OTOF: variants seen among roughly 807,000 people sequenced by gnomAD.
The protein encoded by OTOF is fer-1-like family member 2.
Under a neutral mutation model 236.8 loss-of-function variants are expected in OTOF, and 218 were observed. The ratio of observed to expected loss-of-function variants is 0.92; its 90% CI spans 0.82 to 1.03. OTOF has a LOEUF of 1.03. Ranked by LOEUF, OTOF falls within the 50% of genes least tolerant of loss-of-function variation. OTOF has a pLI of 0.00. For missense variants in OTOF, 2,590 were observed against 2,694.4 expected, an observed-to-expected ratio of 0.96 and a Z score of 0.86; for synonymous variants, 1,041 against 1,072.5, an observed-to-expected ratio of 0.97 and a Z score of 0.57.
At position 26,460,733 on chromosome 2, in the gene OTOF, A is replaced by T. The variant is rs149608479; in HGVS notation, c.5727T>A (p.Ala1909=). Residue 1909 remains alanine (A), a synonymous_variant, in exon 45 of 47, where the codon GCT becomes GCA. Coordinates refer to ENST00000272371, the MANE Select transcript of OTOF (RefSeq NM_194248.3). The surrounding 1 kb of genome is among the most constrained non-coding windows in gnomAD (Gnocchi z 5.3). ...CCTCTGCTGTCAGTAAATGCAGCTC[A>T]GCCTCCACCTTGCCCTGCAGAGGAC... ...DEFELTGKVE[A]ELHLLTAEEA... is the part of the protein sequence containing the mutation. 8 of 1,614,030 alleles carry T rather than the reference A, an allele frequency of 5.0e-6. No individual in the cohort carries two copies. Among genetic ancestry groups the T allele is most frequent in the Admixed American group, 1.7e-5 (1 of 60,018 alleles).
Position 26,476,165 on chromosome 2 carries a change from G to T in OTOF, c.2829C>A (p.Gly943=), listed in dbSNP as rs73920285. Residue 943 remains glycine, a synonymous_variant, in exon 23 of 47, where the codon GGC becomes GGA. Transcript: ENST00000272371. ...GGCTGACGGGTGGGAAGGCATGCAG[G>T]CCCAGGCCCTGGGCTGCCTTGACCT... The part of the protein sequence containing the change: ...FQEVKAAQGL[G]LHAFPPVSLV... The T allele has an allele frequency of 6.2e-7, 1 of 1,611,104 alleles. No individual in the cohort carries two copies. The highest frequency in any genetic ancestry group is 1.1e-5 in the South Asian group (1 of 91,042).
intron 1 of OTOF, 86 bp downstream of exon 1, chr2:26,558,407 G>T: frequency 1.7e-6 from 2 of 1,204,664 alleles, no homozygotes; most frequent in Non-Finnish European, 2.5e-6. Flanking sequence ...CATCCTCCCA[G>T]CCCTGTCCTA....
At chr2:26,554,418 C>T (rs1409919264) in intron 1 of OTOF, among the ~76,000 whole-genome samples, 2 of 151,714 alleles carry the variant, frequency 1.3e-5, no homozygotes, top group East Asian at 1.9e-4. Flanking sequence ...CCCTCAAAGA[C>T]AGAAACCATG....
At chr2:26,481,649 A>G (rs1665544129) in intron 14 of OTOF, among the ~76,000 whole-genome samples, 1 of 152,152 alleles carries the variant, frequency 6.6e-6, no homozygotes, top group Admixed American at 6.5e-5. Context: ...TAAAGTGTAC[A>G]TTTCAGTGGT....
chr2:26,500,558 G>A lies in OTOF; in HGVS notation c.765+1196C>T, dbSNP rs72815942. On this transcript the variant is annotated intron_variant, in intron 8 of 46. Transcript: ENST00000272371. ...TGGGTTTTGGCAGAGGTGAGGGGCC[G>A]GCATTCTCAAACCCCTAAGGAATCC... Among the ~76,000 whole-genome samples the A allele has an allele frequency of 4.6e-3, 702 of 152,224 alleles. 3 individuals are homozygous for A. The highest frequency in any genetic ancestry group is 7.2e-3 in the Non-Finnish European group (490 of 68,014).
rs1572401489 is a variant in OTOF, at chr2:26,461,976, T to G, written c.5292-39A>C. On this transcript the variant is annotated intron_variant, in intron 42 of 46. Transcript: ENST00000272371. The surrounding 1 kb of genome is among the most constrained non-coding windows in gnomAD (Gnocchi z 6.2). ...ATCTCCAGACCCGCAGCCAGGCTGG[T>G]GGGGCCTCTCCCACCCACAGCCACC... The G allele has an allele frequency of 6.2e-7, 1 of 1,613,162 alleles. No homozygotes were observed. The highest frequency in any genetic ancestry group is 8.5e-7 in the Non-Finnish European group (1 of 1,179,724).
In OTOF at chr2:26,481,141, G is replaced by A. The variant is rs868146212; in HGVS notation, c.1580-132C>T. 1.9e-4 allele frequency: 127 copies of A among 678,574 alleles called. No individual in the cohort carries two copies. In the Middle Eastern group the frequency reaches 3.4e-3, roughly 18 times the overall value. The allele number at this position is 678,574 out of a possible 1,614,324, so 42.0% of individuals were successfully genotyped here. On this transcript the variant is annotated intron_variant, in intron 14 of 46. Coordinates refer to ENST00000272371, the MANE Select transcript of OTOF (RefSeq NM_194248.3). ...TGAGAACTTCATGTGTGCCATTCAG[G>A]TGTGGGGCAGCCTTCTTACACTGCG...
At chr2:26,556,913 A>T (rs1667599842) in intron 1 of OTOF, among the ~76,000 whole-genome samples, 1 of 152,196 alleles carries the variant, frequency 6.6e-6, no homozygotes, top group African/African-American at 2.4e-5. Flanking sequence ...AGATGAAAGG[A>T]CACATTTGCT....
rs114469860 is a variant in OTOF, at chr2:26,558,691, C to A, written c.-120G>T. The A allele has an allele frequency of 6.1e-3, 5,133 of 843,376 alleles. 188 individuals are homozygous for A. In the African/African-American group the frequency reaches 0.077, roughly 13 times the overall value. 52.2% of individuals were successfully genotyped at this position (843,376 alleles called of 1,614,324 possible). A position where few individuals can be genotyped will look rare whatever the true frequency, so the allele number is the denominator to read the frequency against. ...GCCTCCTCCTCCTCCTCCCGACCCC[C>A]CTCCGATGCTGCCCACAGAGACCAA... On this transcript the variant is annotated 5_prime_UTR_variant, in exon 1 of 47. Coordinates refer to ENST00000272371, the MANE Select transcript of OTOF (RefSeq NM_194248.3).
Position 26,462,529 on chromosome 2 carries a change from G to A in OTOF, c.5193-348C>T, listed in dbSNP as rs1397453205. ...CCCCAAAGAGGATTTTCCCCTCAAG[G>A]TTTAATTGTAATTATGAATGATGTA... On this transcript the variant is annotated intron_variant, in intron 41 of 46. Coordinates refer to ENST00000272371, the MANE Select transcript of OTOF (RefSeq NM_194248.3). This position sits in a 1 kb window ranked among gnomAD's most constrained non-coding sequence, Gnocchi z 4.7. Among the ~76,000 whole-genome samples, 2 of 152,200 alleles carry A rather than the reference G, an allele frequency of 1.3e-5. No individual in the cohort carries two copies. The highest frequency in any genetic ancestry group is 2.9e-5 in the Non-Finnish European group (2 of 68,032).
chr2:26,472,419 T>C, intron 30 of OTOF, 100 bp downstream of exon 30: 1 of 1,451,770 alleles, frequency 6.9e-7, no homozygotes, highest in Non-Finnish European at 9.7e-7. Flanking sequence ...AGGAGGCTCT[T>C]AGTGTCCTTT....
At chr2:26,510,206 C>T (rs959025644) in intron 5 of OTOF, among the ~76,000 whole-genome samples, 2 of 152,146 alleles carry the variant, frequency 1.3e-5, no homozygotes, top group Non-Finnish European at 2.9e-5. Flanking sequence ...GGTGGCCTCT[C>T]CTAAGCTTTC....
Position 26,465,957 on chromosome 2 carries a change from G to C in OTOF, c.4620C>G (p.Val1540=). 4 of 1,614,268 alleles carry C rather than the reference G, an allele frequency of 2.5e-6. No homozygotes were observed. The change falls in exon 37 of 47, where the codon GTC becomes GTG. Residue 1540 remains valine (V), a synonymous_variant. Coordinates refer to ENST00000272371, the MANE Select transcript of OTOF (RefSeq NM_194248.3). The part of the protein sequence containing the change: ...ENYISKQLNP[V]FGKSFDIEAS... ...GCACCAAGAAGCCTTACTTCCCAAA[G>C]ACAGGGTTGAGCTGCTTGGAGATGT...
rs191767230 is a variant in OTOF, at chr2:26,556,067, G to A, written c.79+2426C>T. Among the ~76,000 whole-genome samples the A allele has an allele frequency of 2.6e-3, 399 of 152,294 alleles. 2 individuals are homozygous for A. Among genetic ancestry groups the A allele is most frequent in the Non-Finnish European group, 3.2e-3 (220 of 68,014 alleles). On this transcript the variant is annotated intron_variant, in intron 1 of 46. Coordinates refer to ENST00000272371, the MANE Select transcript of OTOF (RefSeq NM_194248.3). ...GTGTCTTGGATGGCACAGCACAGAA[G>A]GTCAAGCCATATTTCAACCAGCTGC...
chr2:26,540,478 G>C (rs556791772), intron 1 of OTOF, among the ~76,000 whole-genome samples: 7 of 152,326 alleles, frequency 4.6e-5, no homozygotes, highest in African/African-American at 1.7e-4. Flanking sequence ...GGGTCTGGGG[G>C]CTGGGCAAGG....
chr2:26,556,780 C>T (rs575883932), intron 1 of OTOF, among the ~76,000 whole-genome samples: 346 of 152,318 alleles, frequency 2.3e-3, no homozygotes, highest in African/African-American at 8.0e-3. Context: ...CTTGGTTTCT[C>T]GGCCTGCAAG....
Position 26,480,803 on chromosome 2 carries a change from C to T in OTOF, c.1786G>A (p.Ala596Thr). The change falls in exon 15 of 47, where the codon GCC (alanine) becomes ACC (threonine). Residue 596 changes from alanine (A) to threonine (T), a missense_variant. By Grantham distance (58) the Ala-to-Thr change is moderately conservative (BLOSUM62 0). Coordinates refer to ENST00000272371, the MANE Select transcript of OTOF (RefSeq NM_194248.3). ...GGTCTCACCTCCGAGATGGGCGTGG[C>T]CTGCTCCACCTGCACCTCTGTGGAG... The part of the protein sequence containing the change: ...TSSTEVQVEQ[A>T]TPISESCAGK... 6.2e-7 allele frequency: 1 copy of T among 1,612,310 alleles called. No individual in the cohort carries two copies. Among genetic ancestry groups the T allele is most frequent in the Non-Finnish European group, 8.5e-7 (1 of 1,179,828 alleles).
At chr2:26,531,722 A>G (rs1666953036) in intron 2 of OTOF, among the ~76,000 whole-genome samples, 1 of 152,144 alleles carries the variant, frequency 6.6e-6, no homozygotes, top group African/African-American at 2.4e-5. Flanking sequence ...GAACACAGCA[A>G]GACGAGATGA....
intron 1 of OTOF, among the ~76,000 whole-genome samples, chr2:26,556,622 G>T (rs1475042393): frequency 1.3e-5 from 2 of 152,130 alleles, no homozygotes; most frequent in African/African-American, 4.8e-5. Context: ...AGGAGAAGAT[G>T]GGTGTCAGAC....
Sources: gnomAD v4.1 joint callset for allele counts (sites outside exome capture counted in the v4.1 genomes callset) on GRCh38, gnomAD v4.1.1 for gene constraint, Gnocchi (gnomAD v3.1) non-coding constraint, MANE v1.5 for transcripts, NCBI Gene and HGNC (gene_info 2026-07-23, HGNC 2026-07-21) for gene names.